The following INTU variants were observed in gnomAD, a reference collection of about 807,000 sequenced individuals.
INTU encodes the protein inturned planar cell polarity protein, also known as protein inturned.
INTU carries 68 observed loss-of-function variants against 100.5 expected under a neutral mutation model. That is an observed-to-expected ratio of 0.68 (90% CI 0.56 to 0.83). The LOEUF (loss-of-function observed/expected upper bound fraction) is 0.83, where lower values mean the gene tolerates loss of function less well. Ranked by LOEUF, INTU falls within the 40% of genes least tolerant of loss-of-function variation. The pLI, the probability that INTU is intolerant of heterozygous loss-of-function variation, is 0.00. For missense variants in INTU, 1,071 were observed against 1,114.7 expected (o/e 0.96, Z 0.56); for synonymous variants, 357 against 395.7 (o/e 0.90, Z 1.16).
intron 6 of INTU, among the ~76,000 whole-genome samples, chr4:127,680,605 CAAAAT>C (rs1433709352): frequency 2.2e-5 from 2 of 90,508 alleles, no homozygotes; most frequent in African/African-American, 4.3e-5. Flanking sequence ...GGACGTATCT[CAAAAT>C]AAGAGCTATC....
At chr4:127,676,603 G>A (rs6828556) in intron 6 of INTU, among the ~76,000 whole-genome samples, 72,775 of 143,834 alleles carry the variant, frequency 0.51, 19,021 homozygotes, top group Middle Eastern at 0.66. Flanking sequence ...AAAAAAAAGA[G>A]AGAGAGAGGT....
chr4:127,673,997 G>T, intron 5 of INTU, 127 bp from the exon 6 acceptor site: 3 of 471,154 alleles, frequency 6.4e-6, no homozygotes, highest in Non-Finnish European at 1.1e-5. Flanking sequence ...ACAGGAATAT[G>T]AAAAGAAATC....
chr4:127,642,186 G>A (rs1341399777), intron 1 of INTU, among the ~76,000 whole-genome samples: 2 of 152,136 alleles, frequency 1.3e-5, no homozygotes, highest in South Asian at 4.1e-4. Context: ...TTTAAATATT[G>A]ATTCTGTGGG....
intron 8 of INTU, among the ~76,000 whole-genome samples, chr4:127,697,742 T>A (rs1046364841): frequency 1.3e-5 from 2 of 152,226 alleles, no homozygotes; most frequent in African/African-American, 4.8e-5. Context: ...CCATTTCTCT[T>A]GAGATTTCTC....
intron 1 of INTU, among the ~76,000 whole-genome samples, chr4:127,633,389 GTTTGTTTTGT>G (rs1004587963): frequency 6.6e-6 from 1 of 152,078 alleles, no homozygotes; most frequent in Non-Finnish European, 1.5e-5. Context: ...GTTGTTTTTT[GTTTGTTTTGT>G]TTTGTTTTTT....
At chr4:127,683,531 C>T (rs752969034) in intron 6 of INTU, among the ~76,000 whole-genome samples, 12 of 152,162 alleles carry the variant, frequency 7.9e-5, no homozygotes, top group Admixed American at 5.2e-4. Flanking sequence ...GGATTTTCTC[C>T]TCGTCCATCT....
rs1730886135 is a variant in INTU, at chr4:127,706,541, A to G, written c.1843A>G (p.Ile615Val). 5.6e-6 allele frequency: 9 copies of G among 1,613,790 alleles called. No individual in the cohort carries two copies. The highest frequency in any genetic ancestry group is 2.2e-5 in the East Asian group (1 of 44,884). The change falls in exon 12 of 16, where the codon ATT becomes GTT. Residue 615 changes from isoleucine (I) to valine (V), a missense_variant. By Grantham distance (29) the Ile-to-Val change is conservative. Transcript: ENST00000335251. ...AGCTGGAGGTTGCGCATCCAAAGCT[A>G]TTGGGAGTCCTGGACCAGACTGTGT... ...LEAGGCASKA[I>V]GSPGPDCVYV...
At chr4:127,638,024 C>T (rs1727149717) in intron 1 of INTU, among the ~76,000 whole-genome samples, 1 of 152,158 alleles carries the variant, frequency 6.6e-6, no homozygotes. Flanking sequence ...GCTGCTATAT[C>T]ATCCAGCATA....
intron 4 of INTU, among the ~76,000 whole-genome samples, chr4:127,666,590 T>C (rs535030861): frequency 1.3e-5 from 2 of 152,238 alleles, no homozygotes; most frequent in East Asian, 3.9e-4. Flanking sequence ...ACAGCCCTGC[T>C]TCTGTCTTTC....
rs1280421691 is a variant in INTU, at chr4:127,725,636, C to G, written c.*9200C>G. On this transcript the variant is annotated 3_prime_UTR_variant, in exon 16 of 16. Transcript: ENST00000335251. ...ATGTGTTGAACTGCTTTCCTGGTGT[C>G]AGAGAAACATGAGACCATCGCTCAA... 2.0e-5 allele frequency: 3 copies of G among 152,038 alleles called. No homozygotes were observed. The highest frequency in any genetic ancestry group is 4.4e-5 in the Non-Finnish European group (3 of 68,016). The allele number at this position is 152,038 out of a possible 1,614,324, so 9.4% of individuals were successfully genotyped here. A position where few individuals can be genotyped will look rare whatever the true frequency, so the allele number is the denominator to read the frequency against.
chr4:127,656,667 T>C lies in INTU; in HGVS notation c.714T>C (p.Asp238=), dbSNP rs767498024. ...TCCTTGTTGCTGTGAATGATGTCGA[T>C]GTTACTACTGAAAACATCGAGAGAG... is the stretch of plus-strand genomic sequence containing the variant. ...GDVLVAVNDV[D]VTTENIERVL... is the part of the protein sequence containing the mutation. The change falls in exon 3 of 16, where the codon GAT becomes GAC. Residue 238 remains aspartate, a synonymous_variant. Transcript: ENST00000335251. The C allele has an allele frequency of 6.2e-7, 1 of 1,610,996 alleles. No homozygotes were observed. Among genetic ancestry groups the C allele is most frequent in the South Asian group, 1.1e-5 (1 of 90,734 alleles).
Position 127,716,321 on chromosome 4 carries a change from G to T in INTU, c.2718-4G>T, listed in dbSNP as rs182620506. ...TGAAATGAGTGTGTTCTTTTCTTCT[G>T]CAGGAGACTTTTTCTTCATCCAAAA... On this transcript the variant is annotated splice_polypyrimidine_tract_variant and splice_region_variant and intron_variant, in intron 15 of 15. Coordinates refer to ENST00000335251, the MANE Select transcript of INTU (RefSeq NM_015693.4). 4.1e-6 allele frequency: 6 copies of T among 1,446,848 alleles called. No individual in the cohort carries two copies. The highest frequency in any genetic ancestry group is 5.7e-6 in the Non-Finnish European group (6 of 1,057,520). The allele number at this position is 1,446,848 out of a possible 1,614,324, so 89.6% of individuals were successfully genotyped here. A position where few individuals can be genotyped will look rare whatever the true frequency, so the allele number is the denominator to read the frequency against.
chr4:127,674,232 T>G lies in INTU; in HGVS notation c.1181+19T>G, dbSNP rs1336496480. The G allele has an allele frequency of 6.5e-7, 1 of 1,542,396 alleles. No homozygotes were observed. Among genetic ancestry groups the G allele is most frequent in the Admixed American group, 1.8e-5 (1 of 55,190 alleles). On this transcript the variant is annotated intron_variant, in intron 6 of 15. Transcript: ENST00000335251. ...CTGAAGAGTAAGTTGAGGTTTTGCTTACCTTAAAATCATTTCCAAATAATG... is the reference window on the plus strand; with the variant it reads ...CTGAAGAGTAAGTTGAGGTTTTGCTGACCTTAAAATCATTTCCAAATAATG...
rs538349485 is a variant in INTU, at chr4:127,659,495, T to C, written c.768+2774T>C. Among the ~76,000 whole-genome samples the C allele has an allele frequency of 1.4e-4, 22 of 152,306 alleles. No individual in the cohort carries two copies. The East Asian group carries it at 3.5e-3, about 24-fold the overall frequency. ...TAGTTTTAAAATTTCTAAAATAAAA[T>C]GTTGATTTAAAGAAGAGGTTTTCGA... On this transcript the variant is annotated intron_variant, in intron 3 of 15. Transcript: ENST00000335251.
In INTU at chr4:127,718,304, C is replaced by G. The variant is rs940807913; in HGVS notation, c.*1868C>G. 2 of 151,960 alleles carry G rather than the reference C, an allele frequency of 1.3e-5. No individual in the cohort carries two copies. The highest frequency in any genetic ancestry group is 2.9e-5 in the Non-Finnish European group (2 of 67,942). 9.4% of individuals were successfully genotyped at this position (151,960 alleles called of 1,614,324 possible). On this transcript the variant is annotated 3_prime_UTR_variant, in exon 16 of 16. Coordinates refer to ENST00000335251, the MANE Select transcript of INTU (RefSeq NM_015693.4). The stretch of plus-strand genomic sequence containing the variant: ...GATCAGATGGTTGTAGATGTGCAAT[C>G]TTATTTCTGAGTTCTCTATTCTATT...
chr4:127,720,466 G>A lies in INTU; in HGVS notation c.*4030G>A, dbSNP rs1731330469. On this transcript the variant is annotated 3_prime_UTR_variant, in exon 16 of 16. Coordinates refer to ENST00000335251, the MANE Select transcript of INTU (RefSeq NM_015693.4). ...AAGAATATATATTCTGTTGTTTGGGGGTGGAAAGATGTCTAGATATTTATC... is the reference window on the plus strand; with the variant it reads ...AAGAATATATATTCTGTTGTTTGGGAGTGGAAAGATGTCTAGATATTTATC... The A allele has an allele frequency of 6.6e-6, 1 of 152,112 alleles. No homozygotes were observed. 9.4% of individuals were successfully genotyped at this position (152,112 alleles called of 1,614,324 possible).
chr4:127,684,225 GA>G (rs1292841690), intron 6 of INTU, among the ~76,000 whole-genome samples, 183 bp from the exon 7 acceptor site: 5 of 152,032 alleles, frequency 3.3e-5, no homozygotes, highest in African/African-American at 1.2e-4. Context: ...ATTCATGCTG[GA>G]ACTAAATCTA....
chr4:127,653,525 A>G (rs970526229), intron 2 of INTU, among the ~76,000 whole-genome samples: 37 of 151,818 alleles, frequency 2.4e-4, no homozygotes, highest in African/African-American at 8.7e-4. Context: ...CATGTAGTTG[A>G]GCAGTTTTGA....
intron 6 of INTU, chr4:127,675,792 C>T (rs1007387980): frequency 1.1e-4 from 19 of 167,976 alleles, no homozygotes; most frequent in Non-Finnish European, 2.0e-4. Context: ...TCCAAAGTGG[C>T]GAGCCAAAAG....
Sources: gnomAD v4.1 joint callset for allele counts (sites outside exome capture counted in the v4.1 genomes callset) on GRCh38, gnomAD v4.1.1 for gene constraint, MANE v1.5 for transcripts, NCBI Gene and HGNC (gene_info 2026-07-23, HGNC 2026-07-21) for gene names.